MUCL1: variants seen among roughly 807,000 people sequenced by gnomAD.
The protein encoded by MUCL1 is mucin-like protein 1.
A neutral mutation model predicts 9.2 loss-of-function variants in MUCL1; 11 were observed. That is an observed-to-expected ratio of 1.19 (90% CI 0.75 to 1.97). The LOEUF (loss-of-function observed/expected upper bound fraction) is 1.97. Among genes scored for constraint, MUCL1 ranks in the 30% most tolerant of loss-of-function variants. The probability of loss-of-function intolerance (pLI) is 0.00; values close to 1 mark genes in which losing one functional copy is unlikely to be tolerated. For synonymous variants in MUCL1, 48 were observed against 40.5 expected, an observed-to-expected ratio of 1.19 and a Z score of -0.71; for missense variants, 144 against 110.9, an observed-to-expected ratio of 1.30 and a Z score of -1.34.
At chr12:54,850,774 C>A (rs546360171), upstream of MUCL1, among the ~76,000 whole-genome samples, 89 of 152,338 alleles carry the variant, frequency 5.8e-4, 1 homozygote, top group African/African-American at 1.9e-3. Context: ...ACAGTCCCAA[C>A]AACAGTGTAA....
At chr12:54,840,261 A>G (rs1959203236) in intron 1 of MUCL1, among the ~76,000 whole-genome samples, 2 of 152,200 alleles carry the variant, frequency 1.3e-5, no homozygotes, top group Non-Finnish European at 2.9e-5. Context: ...TTGGTTATAG[A>G]TAGCCTTAGT....
At chr12:54,832,091 T>A (rs1475239024) in intron 1 of MUCL1, among the ~76,000 whole-genome samples, 1 of 152,064 alleles carries the variant, frequency 6.6e-6, no homozygotes, top group Non-Finnish European at 1.5e-5. Flanking sequence ...GATGACTAGT[T>A]GTTCCAGAAT....
At position 54,854,573 on chromosome 12, in the gene MUCL1, G is replaced by GTCACCACGCTCCCTGATCTTCAT. The variant is rs756902553; in HGVS notation, c.-10_-9insTCACCACGCTCCCTGATCTTCAT. Reference sequence around the variant, plus strand: ...TTTTGTCTGTGCTCCCTGATCTTCAGGTCACCACCATGAAGTTCTTAGCAG... The same window carrying GTCACCACGCTCCCTGATCTTCAT: ...TTTTGTCTGTGCTCCCTGATCTTCAGTCACCACGCTCCCTGATCTTCATGTCACCACCATGAAGTTCTTAGCAG... On this transcript the variant is annotated 5_prime_UTR_variant, in exon 1 of 4. The change creates a new upstream start codon in the 5' untranslated region. Transcript: ENST00000308796. The GTCACCACGCTCCCTGATCTTCAT allele has an allele frequency of 2.5e-6, 4 of 1,611,752 alleles. No individual in the cohort carries two copies. The highest frequency in any genetic ancestry group is 1.3e-5 in the African/African-American group (1 of 74,700).
chr12:54,842,182 G>T (rs1227285079), intron 1 of MUCL1, among the ~76,000 whole-genome samples: 2 of 151,856 alleles, frequency 1.3e-5, no homozygotes, highest in Admixed American at 1.3e-4. Context: ...ATTTTGGATA[G>T]TTCCTGCAGA....
At chr12:54,844,629 T>A (rs1959233229) in intron 1 of MUCL1, among the ~76,000 whole-genome samples, 1 of 152,232 alleles carries the variant, frequency 6.6e-6, no homozygotes, top group Admixed American at 6.5e-5. Context: ...ATGTCTTACC[T>A]TTCTTTAGGC....
At chr12:54,838,404 T>C (rs1237875451), upstream of MUCL1, among the ~76,000 whole-genome samples, 1 of 152,194 alleles carries the variant, frequency 6.6e-6, no homozygotes, top group Non-Finnish European at 1.5e-5. Context: ...TGACTATATG[T>C]CTTGGTAATG....
chr12:54,851,782 C>G (rs1868247939), upstream of MUCL1, among the ~76,000 whole-genome samples: 2 of 152,092 alleles, frequency 1.3e-5, no homozygotes, highest in Non-Finnish European at 2.9e-5. Flanking sequence ...CCCCAAATCT[C>G]CTTAAGCTGA....
intron 1 of MUCL1, among the ~76,000 whole-genome samples, chr12:54,845,815 G>A (rs1959245737): frequency 6.6e-6 from 1 of 152,098 alleles, no homozygotes; most frequent in Admixed American, 6.5e-5. Context: ...CTACAGTACA[G>A]TTTTCAATTT....
chr12:54,855,241 T>G lies in MUCL1; in HGVS notation c.100+84T>G, dbSNP rs868350106. ...TCATGTCAAACAGCCAGTTTCCATGTGGATAGTCTTTGTTATAAGGAATCC... is the reference window on the plus strand; with the variant it reads ...TCATGTCAAACAGCCAGTTTCCATGGGGATAGTCTTTGTTATAAGGAATCC... On this transcript the variant is annotated intron_variant, in intron 2 of 3. Coordinates refer to ENST00000308796, the MANE Select transcript of MUCL1 (RefSeq NM_058173.3). 6.6e-5 allele frequency: 81 copies of G among 1,229,994 alleles called. No homozygotes were observed. In the Middle Eastern group the frequency reaches 2.8e-3, roughly 42 times the overall value. The allele number at this position is 1,229,994 out of a possible 1,614,324, so 76.2% of individuals were successfully genotyped here. A position where few individuals can be genotyped will look rare whatever the true frequency, so the allele number is the denominator to read the frequency against.
At chr12:54,833,595 TTA>T (rs1959188308) in intron 1 of MUCL1, among the ~76,000 whole-genome samples, 1 of 152,066 alleles carries the variant, frequency 6.6e-6, no homozygotes, top group Non-Finnish European at 1.5e-5. Context: ...TTATATTGGA[TTA>T]TCTTTTTCTA....
intron 2 of MUCL1, among the ~76,000 whole-genome samples, chr12:54,855,804 C>T (rs1324828251): frequency 6.6e-6 from 1 of 152,216 alleles, no homozygotes; most frequent in Non-Finnish European, 1.5e-5. Context: ...CTGTCTTTAT[C>T]CTTCGCATCT....
At chr12:54,837,635 G>C (rs1012956184), upstream of MUCL1, among the ~76,000 whole-genome samples, 5 of 152,138 alleles carry the variant, frequency 3.3e-5, no homozygotes, top group Non-Finnish European at 7.4e-5. Flanking sequence ...CGGGCGTGGT[G>C]GTGGGTGCCC....
upstream of MUCL1, among the ~76,000 whole-genome samples, chr12:54,835,343 T>C (rs770861530): frequency 5.3e-5 from 8 of 152,120 alleles, no homozygotes; most frequent in African/African-American, 1.7e-4. Flanking sequence ...CTGTTTTCCA[T>C]AGAGGTTGTA....
chr12:54,856,420 G>A (rs1565779417), intron 2 of MUCL1, among the ~76,000 whole-genome samples: 1 of 152,188 alleles, frequency 6.6e-6, no homozygotes, highest in Non-Finnish European at 1.5e-5. Flanking sequence ...GCTTCAGAAT[G>A]TCAGGCTACT....
chr12:54,841,956 T>C (rs1245860591), intron 1 of MUCL1, among the ~76,000 whole-genome samples: 1 of 152,158 alleles, frequency 6.6e-6, no homozygotes, highest in Non-Finnish European at 1.5e-5. Context: ...AATAATTCTA[T>C]ACAAGTATTA....
chr12:54,845,283 G>A (rs1959239192), intron 1 of MUCL1, among the ~76,000 whole-genome samples: 1 of 152,146 alleles, frequency 6.6e-6, no homozygotes, highest in Non-Finnish European at 1.5e-5. Context: ...CAATGCTATA[G>A]CACCAGCTTT....
chr12:54,836,380 T>C (rs1041141331), upstream of MUCL1, among the ~76,000 whole-genome samples: 2 of 152,160 alleles, frequency 1.3e-5, no homozygotes, highest in Non-Finnish European at 2.9e-5. Flanking sequence ...GTTGTGTACA[T>C]AGAGGTGTTA....
chr12:54,851,135 C>G (rs976469794), upstream of MUCL1, among the ~76,000 whole-genome samples: 10 of 152,086 alleles, frequency 6.6e-5, no homozygotes, highest in Admixed American at 2.0e-4. Flanking sequence ...ATGGTAGTTT[C>G]TTTTGCTGTG....
intron 1 of MUCL1, among the ~76,000 whole-genome samples, chr12:54,840,003 C>T (rs1959201914): frequency 6.6e-6 from 1 of 152,178 alleles, no homozygotes; most frequent in Non-Finnish European, 1.5e-5. Flanking sequence ...TTTTGTCCCA[C>T]CTGGTATTCC....
Sources: allele counts gnomAD v4.1 joint callset (sites outside exome capture counted in the v4.1 genomes callset), GRCh38; gene constraint gnomAD v4.1.1; transcripts MANE v1.5; gene names NCBI Gene and HGNC (gene_info 2026-07-23, HGNC 2026-07-21).